The following NPAS3 variants were observed in gnomAD, a reference collection of about 807,000 sequenced individuals.
NPAS3 encodes the protein neuronal PAS domain protein 3.
A neutral mutation model predicts 73.1 loss-of-function variants in NPAS3; 14 were observed. That is an observed-to-expected ratio of 0.19 (90% confidence interval 0.13 to 0.30). The LOEUF is 0.30. Ranked by LOEUF, NPAS3 falls within the 10% of genes least tolerant of loss-of-function variation. The pLI is 1.00. For missense variants in NPAS3, 1,096 were observed against 1,250.0 expected, an observed-to-expected ratio of 0.88 and a Z score of 1.86; for synonymous variants, 620 against 541.5, an observed-to-expected ratio of 1.14 and a Z score of -2.01.
chr14:33,214,971 A>G, intron 2 of NPAS3: 1 of 570,764 alleles, frequency 1.8e-6, no homozygotes, highest in East Asian at 3.0e-5. Context: ...ATTTTTACTC[A>G]TTGGACTTGA....
intron 3 of NPAS3, among the ~76,000 whole-genome samples, chr14:33,310,535 C>T (rs975768195): frequency 2.0e-5 from 3 of 152,080 alleles, no homozygotes; most frequent in African/African-American, 7.2e-5. Context: ...AGTCAACATT[C>T]AAACAGATTA....
intron 4 of NPAS3, among the ~76,000 whole-genome samples, chr14:33,375,300 T>C (rs1203758067): frequency 3.3e-5 from 5 of 152,194 alleles, no homozygotes; most frequent in African/African-American, 7.2e-5. Context: ...ATTAGCTTAA[T>C]TGATACTGCT....
chr14:33,413,735 G>A (rs530097849), intron 4 of NPAS3, among the ~76,000 whole-genome samples: 5 of 152,234 alleles, frequency 3.3e-5, no homozygotes, highest in African/African-American at 7.2e-5. Flanking sequence ...CCATTTTTGT[G>A]TGTGCCTCTG....
At chr14:33,761,435 T>G (rs1175905459) in intron 7 of NPAS3, among the ~76,000 whole-genome samples, 13 of 152,110 alleles carry the variant, frequency 8.5e-5, no homozygotes, top group Non-Finnish European at 1.6e-4. Flanking sequence ...TGCTTTCAAG[T>G]TTCTTTAAAT....
chr14:33,386,359 C>T (rs965246929), intron 4 of NPAS3, among the ~76,000 whole-genome samples: 2 of 152,106 alleles, frequency 1.3e-5, no homozygotes, highest in Non-Finnish European at 2.9e-5. Context: ...AACAATTCAC[C>T]ATTTCATCTC....
At chr14:33,143,059 C>T (rs2044112116) in intron 2 of NPAS3, among the ~76,000 whole-genome samples, 3 of 152,122 alleles carry the variant, frequency 2.0e-5, no homozygotes, top group South Asian at 4.1e-4. Context: ...GAGCTGAGGT[C>T]ATGCCATTGC....
rs538675310 is a variant in NPAS3, at chr14:32,971,727, A to G, written c.50+32361A>G. 3.9e-4 allele frequency among the ~76,000 whole-genome samples: 59 copies of G among 152,162 alleles called. 1 individual carries two copies. Among genetic ancestry groups the G allele is most frequent in the Non-Finnish European group, 1.5e-5 (1 of 68,000 alleles). On this transcript the variant is annotated intron_variant, in intron 1 of 11. Transcript: ENST00000356141. Reference sequence around the variant, plus strand: ...TCCATATATAGTATACTTTTCCAGAATGTGTTTTATTTCTGCAATGTATTC... The same window carrying G: ...TCCATATATAGTATACTTTTCCAGAGTGTGTTTTATTTCTGCAATGTATTC...
At chr14:33,606,900 T>A (rs770468376) in intron 5 of NPAS3, among the ~76,000 whole-genome samples, 1 of 152,116 alleles carries the variant, frequency 6.6e-6, no homozygotes, top group Non-Finnish European at 1.5e-5. Flanking sequence ...TAAAAAAAAA[T>A]TTAATGGGCA....
At chr14:33,566,014 G>T (rs2055912998) in intron 5 of NPAS3, among the ~76,000 whole-genome samples, 1 of 151,918 alleles carries the variant, frequency 6.6e-6, no homozygotes, top group Admixed American at 6.6e-5. Flanking sequence ...ATCACTTCTG[G>T]GTGTAACAAA....
chr14:33,423,331 T>A (rs2048429461), intron 4 of NPAS3, among the ~76,000 whole-genome samples: 1 of 152,020 alleles, frequency 6.6e-6, no homozygotes, highest in Non-Finnish European at 1.5e-5. Flanking sequence ...TTAATTTATG[T>A]ACTCTCAGTA....
At chr14:33,629,305 G>C (rs957391038) in intron 5 of NPAS3, among the ~76,000 whole-genome samples, 5 of 151,832 alleles carry the variant, frequency 3.3e-5, no homozygotes, top group African/African-American at 1.2e-4. Flanking sequence ...GAGTCTATCA[G>C]TGATATGTCA....
At chr14:33,540,118 C>T (rs1005760271) in intron 4 of NPAS3, among the ~76,000 whole-genome samples, 2 of 152,156 alleles carry the variant, frequency 1.3e-5, no homozygotes, top group Admixed American at 1.3e-4. Context: ...TGTGAACATT[C>T]CCTTGTTCTA....
chr14:33,631,909 G>T (rs1410699803), intron 5 of NPAS3, among the ~76,000 whole-genome samples: 1 of 152,142 alleles, frequency 6.6e-6, no homozygotes, highest in African/African-American at 2.4e-5. Context: ...TTAATTAATT[G>T]CATCCTTCAT....
intron 5 of NPAS3, among the ~76,000 whole-genome samples, chr14:33,646,612 T>C (rs11622789): frequency 0.46 from 70,095 of 152,070 alleles, 16,664 homozygotes; most frequent in Non-Finnish European, 0.54. Context: ...ATAGGTATCT[T>C]ACCACAGCAG....
chr14:32,947,790 G>T (rs1308213221), intron 1 of NPAS3, among the ~76,000 whole-genome samples: 1 of 151,956 alleles, frequency 6.6e-6, no homozygotes, highest in Admixed American at 6.6e-5. Flanking sequence ...GGCAAAGTAG[G>T]CTCATCATTT....
At chr14:32,939,224 C>G, upstream of NPAS3, 1 of 509,726 alleles carries the variant, frequency 2.0e-6, no homozygotes, top group South Asian at 1.7e-5. Context: ...CTCCCGCCAC[C>G]CCACGCACAC....
intron 3 of NPAS3, among the ~76,000 whole-genome samples, chr14:33,237,927 T>G (rs1052174514): frequency 3.3e-5 from 5 of 151,818 alleles, no homozygotes; most frequent in African/African-American, 1.2e-4. Context: ...ATTTAGTTTT[T>G]CTCATGTACA....
chr14:33,412,607 C>G (rs2047978490), intron 4 of NPAS3, among the ~76,000 whole-genome samples: 1 of 152,024 alleles, frequency 6.6e-6, no homozygotes, highest in Admixed American at 6.6e-5. Context: ...GTTTGAATTG[C>G]CTGTGACTAA....
intron 4 of NPAS3, among the ~76,000 whole-genome samples, chr14:33,443,936 C>G (rs926410878): frequency 3.9e-5 from 6 of 152,174 alleles, no homozygotes; most frequent in African/African-American, 1.2e-4. Context: ...AAAATAGATG[C>G]TGAGGCAACA....
Sources: gnomAD v4.1 joint callset for allele counts (sites outside exome capture counted in the v4.1 genomes callset) on GRCh38, gnomAD v4.1.1 for gene constraint, MANE v1.5 for transcripts, NCBI Gene and HGNC (gene_info 2026-07-23, HGNC 2026-07-21) for gene names.